Variants in BBX observed in about 807,000 individuals in gnomAD.
BBX encodes the protein HMG box transcription factor BBX.
BBX carries 30 observed loss-of-function variants against 100.2 expected under a neutral mutation model. The ratio of observed to expected loss-of-function variants is 0.30; its 90% CI spans 0.22 to 0.41. The LOEUF is 0.41. Ranked by LOEUF, BBX falls within the 10% of genes least tolerant of loss-of-function variation. BBX has a pLI of 1.00. For synonymous variants in BBX, 376 were observed against 388.1 expected, an observed-to-expected ratio of 0.97 and a Z score of 0.37; for missense variants, 1,023 against 1,129.8, an observed-to-expected ratio of 0.91 and a Z score of 1.35.
chr3:107,727,946 C>T (rs887942661), intron 5 of BBX, among the ~76,000 whole-genome samples: 3 of 151,940 alleles, frequency 2.0e-5, no homozygotes, highest in Non-Finnish European at 2.9e-5. Context: ...AAATATGTAA[C>T]GAATAGCAAT....
At chr3:107,651,861 T>C (rs1044160258) in intron 3 of BBX, among the ~76,000 whole-genome samples, 6 of 152,082 alleles carry the variant, frequency 3.9e-5, no homozygotes, top group Non-Finnish European at 8.8e-5. Context: ...TTTGTTGTTG[T>C]TGTTGTTATT....
chr3:107,756,749 G>C (rs562076236), intron 10 of BBX, among the ~76,000 whole-genome samples: 1 of 152,118 alleles, frequency 6.6e-6, no homozygotes, highest in African/African-American at 2.4e-5. Flanking sequence ...TCTTGTGTAA[G>C]ACAAGTTGAG....
chr3:107,659,900 T>C, intron 3 of BBX: 1 of 400,440 alleles, frequency 2.5e-6, no homozygotes, highest in Non-Finnish European at 4.2e-6. Flanking sequence ...TATGACAGAT[T>C]CCCTTCGTTG....
intron 5 of BBX, among the ~76,000 whole-genome samples, chr3:107,726,716 T>G (rs559371011): frequency 6.6e-6 from 1 of 152,030 alleles, no homozygotes; most frequent in African/African-American, 2.4e-5. Context: ...TGGTCCAGCT[T>G]TATGGACCAT....
chr3:107,757,581 G>C (rs1157957282), intron 10 of BBX, among the ~76,000 whole-genome samples: 1 of 152,124 alleles, frequency 6.6e-6, no homozygotes, highest in Non-Finnish European at 1.5e-5. Context: ...TATTTGCACT[G>C]AATCAGTGTG....
intron 2 of BBX, among the ~76,000 whole-genome samples, chr3:107,563,414 A>G (rs368876440): frequency 6.6e-6 from 1 of 152,120 alleles, no homozygotes; most frequent in African/African-American, 2.4e-5. Flanking sequence ...TATTAAACTC[A>G]TATTTTCTGG....
chr3:107,646,260 T>A (rs1484931389), intron 3 of BBX, among the ~76,000 whole-genome samples: 1 of 148,544 alleles, frequency 6.7e-6, no homozygotes, highest in Non-Finnish European at 1.5e-5. Context: ...CCCCAAAAGC[T>A]GTTTTTTGTA....
chr3:107,624,091 G>C (rs2055984082), intron 2 of BBX, among the ~76,000 whole-genome samples: 1 of 152,102 alleles, frequency 6.6e-6, no homozygotes, highest in Non-Finnish European at 1.5e-5. Context: ...AGGCTGCCAG[G>C]GTTCAATCAT....
intron 2 of BBX, among the ~76,000 whole-genome samples, chr3:107,576,341 A>AT (rs1408587338): frequency 2.0e-5 from 3 of 152,120 alleles, no homozygotes; most frequent in African/African-American, 4.8e-5. Flanking sequence ...CACAAATGTG[A>AT]TTTTTTCAAT....
rs151149179 is a variant in BBX at position 107,773,256 on chromosome 3, G to T, written c.1535G>T (p.Arg512Leu). Residue 512 changes from arginine (R) to leucine (L), a missense_variant, in exon 11 of 18, where the codon CGC (arginine) becomes CTC (leucine). By Grantham distance (102) the Arg-to-Leu change is moderately radical. Around this residue, in one of 9 missense-constraint regions of BBX, gnomAD observed 348 missense variants for 353.2 expected, o/e 0.99. Transcript: ENST00000325805. The surrounding 1 kb of genome is among the most constrained non-coding windows in gnomAD (Gnocchi z 4.1). ...GGAGATACCCCTCGCAAGAAGGTCC[G>T]CACATCCTCAAGTGGCAAGGGAAGC... ...KLGDTPRKKV[R>L]TSSSGKGSIL... 3 of 1,614,024 alleles carry T rather than the reference G, an allele frequency of 1.9e-6. No homozygotes were observed. Among genetic ancestry groups the T allele is most frequent in the Non-Finnish European group, 2.5e-6 (3 of 1,179,994 alleles).
chr3:107,718,417 A>C (rs1373710571), intron 5 of BBX, among the ~76,000 whole-genome samples: 1 of 151,328 alleles, frequency 6.6e-6, no homozygotes, highest in Non-Finnish European at 1.5e-5. Flanking sequence ...AGTAACCTAC[A>C]TGATTTTAAA....
chr3:107,703,515 G>A (rs2061209635), intron 3 of BBX, among the ~76,000 whole-genome samples: 1 of 152,176 alleles, frequency 6.6e-6, no homozygotes, highest in South Asian at 2.1e-4. Flanking sequence ...GTTAAAGGCA[G>A]AGGGACCAGA....
At chr3:107,641,237 A>G (rs1428408982) in intron 2 of BBX, among the ~76,000 whole-genome samples, 1 of 151,988 alleles carries the variant, frequency 6.6e-6, no homozygotes, top group Non-Finnish European at 1.5e-5. Context: ...GGCCCACACC[A>G]TCATACCCAG....
At chr3:107,526,972 T>A (rs537038466) in intron 2 of BBX, among the ~76,000 whole-genome samples, 1 of 152,216 alleles carries the variant, frequency 6.6e-6, no homozygotes, top group Non-Finnish European at 1.5e-5. Flanking sequence ...AAAACTTACA[T>A]GTTTGGAGAA....
chr3:107,659,403 A>T (rs1007346464), intron 3 of BBX, among the ~76,000 whole-genome samples: 1 of 152,052 alleles, frequency 6.6e-6, no homozygotes, highest in African/African-American at 2.4e-5. Context: ...TTCAATATTT[A>T]TGTATAATTT....
chr3:107,524,580 G>C (rs1236536873), intron 1 of BBX: 1 of 121,604 alleles, frequency 8.2e-6, no homozygotes, highest in African/African-American at 3.2e-5. Context: ...AAAACGAAAC[G>C]ATGCAAAAAG....
chr3:107,764,334 G>A (rs755112578), intron 10 of BBX, among the ~76,000 whole-genome samples: 2 of 152,144 alleles, frequency 1.3e-5, no homozygotes, highest in Non-Finnish European at 1.5e-5. Flanking sequence ...TTCCTTGTGC[G>A]AATCAGAATG....
At chr3:107,684,850 C>T (rs1442335331) in intron 3 of BBX, 1 of 152,170 alleles carries the variant, frequency 6.6e-6, no homozygotes, top group Non-Finnish European at 1.5e-5. Context: ...TGTTGATAGG[C>T]CACTTCCTGC....
intron 3 of BBX, among the ~76,000 whole-genome samples, chr3:107,664,601 C>G (rs919458774): frequency 2.0e-5 from 3 of 152,162 alleles, no homozygotes; most frequent in Non-Finnish European, 4.4e-5. Flanking sequence ...TACCTTTTCT[C>G]AAACTCATTT....
Sources: gnomAD v4.1 joint callset for allele counts (sites outside exome capture counted in the v4.1 genomes callset) on GRCh38, gnomAD v4.1.1 for gene constraint, gnomAD v4.1.1 regional missense constraint, Gnocchi (gnomAD v3.1) non-coding constraint, MANE v1.5 for transcripts, NCBI Gene and HGNC (gene_info 2026-07-23, HGNC 2026-07-21) for gene names.